The following NDRG3 variants were observed in gnomAD, a reference collection of about 807,000 sequenced individuals.
NDRG3 encodes NDRG family member 3.
Under a neutral mutation model 57.2 loss-of-function variants are expected in NDRG3, and 23 were observed. That is an observed-to-expected ratio of 0.40 (90% CI 0.29 to 0.57). The LOEUF (loss-of-function observed/expected upper bound fraction) is 0.57, where lower values mean the gene tolerates loss of function less well. Ranked by LOEUF, NDRG3 falls within the 20% of genes least tolerant of loss-of-function variation. The pLI is 0.42. For synonymous variants in NDRG3, 132 were observed against 162.6 expected, an observed-to-expected ratio of 0.81 and a Z score of 1.43; for missense variants, 384 against 457.3, an observed-to-expected ratio of 0.84 and a Z score of 1.46.
chr20:36,672,922 G>A (rs1201927243), intron 8 of NDRG3, among the ~76,000 whole-genome samples: 1 of 152,084 alleles, frequency 6.6e-6, no homozygotes, highest in Non-Finnish European at 1.5e-5. Context: ...GGAGTGCAGT[G>A]GCACCATCAT....
chr20:36,681,171 G>T (rs149678123), intron 7 of NDRG3, among the ~76,000 whole-genome samples: 1 of 152,242 alleles, frequency 6.6e-6, no homozygotes, highest in African/African-American at 2.4e-5. Flanking sequence ...TTCAATTCAT[G>T]GTGGATCTTC....
At chr20:36,729,847 T>G (rs1441000053) in intron 1 of NDRG3, among the ~76,000 whole-genome samples, 1 of 151,990 alleles carries the variant, frequency 6.6e-6, no homozygotes, top group Non-Finnish European at 1.5e-5. Context: ...CAATCTTCAA[T>G]AGAGATCAGT....
chr20:36,688,867 C>T, intron 3 of NDRG3, 83 bp from the exon 4 acceptor site: 2 of 942,124 alleles, frequency 2.1e-6, no homozygotes. Flanking sequence ...TGCTTTACCA[C>T]CGTTTCCCAC....
At position 36,677,891 on chromosome 20, in the gene NDRG3, C is replaced by T. The variant is rs144901957; in HGVS notation, c.531+2925G>A. On this transcript the variant is annotated intron_variant, in intron 8 of 15. Coordinates refer to ENST00000349004, the MANE Select transcript of NDRG3 (RefSeq NM_032013.4). ...AGTTTCTGGCTAGACAAATCAACAC[C>T]CCAGAGATCCCATAACACAAGGGAT... Among the ~76,000 whole-genome samples the T allele has an allele frequency of 1.2e-4, 19 of 152,240 alleles. No individual in the cohort carries two copies. The East Asian group carries it at 3.3e-3, about 26-fold the overall frequency.
intron 1 of NDRG3, among the ~76,000 whole-genome samples, chr20:36,727,705 C>G (rs942273655): frequency 6.6e-5 from 10 of 151,938 alleles, no homozygotes; most frequent in African/African-American, 1.9e-4. Flanking sequence ...CCACGCCCGG[C>G]TAATTTTTTG....
intron 15 of NDRG3, 32 bp downstream of exon 15, chr20:36,656,328 C>T (rs776600570): frequency 6.9e-6 from 11 of 1,603,602 alleles, no homozygotes; most frequent in Admixed American, 6.8e-5. Context: ...ATTCCTAAAT[C>T]GTTGCTAGAT....
intron 1 of NDRG3, among the ~76,000 whole-genome samples, chr20:36,734,505 G>C (rs1024447752): frequency 4.6e-5 from 7 of 152,164 alleles, no homozygotes; most frequent in Non-Finnish European, 8.8e-5. Flanking sequence ...TAACAAGAAA[G>C]CACAGATGGG....
intron 8 of NDRG3, among the ~76,000 whole-genome samples, chr20:36,676,165 G>C (rs994716596): frequency 6.6e-6 from 1 of 151,960 alleles, no homozygotes; most frequent in African/African-American, 2.4e-5. Context: ...GCGTGAACCC[G>C]GGAGGCGGAG....
chr20:36,655,580 C>T (rs998623061), intron 15 of NDRG3, among the ~76,000 whole-genome samples: 4 of 152,182 alleles, frequency 2.6e-5, no homozygotes, highest in Non-Finnish European at 5.9e-5. Flanking sequence ...GGATACTGCC[C>T]TTTTCTCCTG....
At chr20:36,663,488 T>C (rs989753041) in intron 12 of NDRG3, among the ~76,000 whole-genome samples, 1 of 152,232 alleles carries the variant, frequency 6.6e-6, no homozygotes, top group Non-Finnish European at 1.5e-5. Context: ...TAATTAGACA[T>C]ATGAAGAACT....
At chr20:36,696,281 A>G (rs2148144633) in intron 3 of NDRG3, among the ~76,000 whole-genome samples, 2 of 151,998 alleles carry the variant, frequency 1.3e-5, no homozygotes, top group Middle Eastern at 6.8e-3. Context: ...TTTTTAATAG[A>G]GATGGGGTTT....
chr20:36,683,441 C>A (rs1401049764), intron 6 of NDRG3, among the ~76,000 whole-genome samples: 1 of 151,598 alleles, frequency 6.6e-6, no homozygotes, highest in Non-Finnish European at 1.5e-5. Flanking sequence ...TCATGAAACC[C>A]CGTCTCTACT....
chr20:36,660,696 G>A (rs1192914712), intron 12 of NDRG3, among the ~76,000 whole-genome samples: 1 of 151,768 alleles, frequency 6.6e-6, no homozygotes, highest in African/African-American at 2.4e-5. Flanking sequence ...GAGTAGCTGG[G>A]ACTACAGGCG....
In NDRG3 at chr20:36,688,704, T is replaced by C. The variant is rs1314979030; in HGVS notation, c.174A>G (p.Leu58=). 2 of 1,613,366 alleles carry C rather than the reference T, an allele frequency of 1.2e-6. No individual in the cohort carries two copies. The highest frequency in any genetic ancestry group is 1.7e-6 in the Non-Finnish European group (2 of 1,179,272). Residue 58 remains leucine, a synonymous_variant, in exon 4 of 16, where the codon CTA becomes CTG. Coordinates refer to ENST00000349004, the MANE Select transcript of NDRG3 (RefSeq NM_032013.4). ...GGTTGAGGCCAATGTCATGATATGT[T>C]AGTATAACTGGTCTGTTTCCTTTGG... The part of the protein sequence containing the change: ...GLPKGNRPVI[L]TYHDIGLNHK...
At chr20:36,693,165 T>C (rs1250888063) in intron 3 of NDRG3, among the ~76,000 whole-genome samples, 3 of 118,766 alleles carry the variant, frequency 2.5e-5, no homozygotes, top group African/African-American at 9.7e-5. Flanking sequence ...TATACACATA[T>C]ATATATACAC....
rs1045213144 is a variant in NDRG3 at position 36,653,349 on chromosome 20, A to G, written c.*171T>C. On this transcript the variant is annotated 3_prime_UTR_variant, in exon 16 of 16. Transcript: ENST00000349004. This position sits in a 1 kb window ranked among gnomAD's most constrained non-coding sequence, Gnocchi z 4.2. ...ATGGAAGTGGTTCTTGGGCTATACA[A>G]AAAAGGGGGTGGGCAGGCAGAGAGA... is the stretch of plus-strand genomic sequence containing the variant. 40 of 599,740 alleles carry G rather than the reference A, an allele frequency of 6.7e-5. No individual in the cohort carries two copies. The highest frequency in any genetic ancestry group is 5.6e-5 in the African/African-American group (3 of 53,988). The allele number at this position is 599,740 out of a possible 1,614,324, so 37.2% of individuals were successfully genotyped here.
chr20:36,742,848 T>A (rs774537538), intron 1 of NDRG3, among the ~76,000 whole-genome samples: 2 of 152,200 alleles, frequency 1.3e-5, no homozygotes, highest in African/African-American at 4.8e-5. Context: ...TCAATATATT[T>A]ACAGAAAATT....
At chr20:36,662,230 C>CTT (rs749800383) in intron 12 of NDRG3, among the ~76,000 whole-genome samples, 6 of 139,226 alleles carry the variant, frequency 4.3e-5, no homozygotes, top group South Asian at 4.5e-4. Context: ...TTTTCTTTTT[C>CTT]TTTTTTTTTT....
At chr20:36,729,227 C>T (rs1250268928) in intron 1 of NDRG3, among the ~76,000 whole-genome samples, 1 of 152,142 alleles carries the variant, frequency 6.6e-6, no homozygotes, top group Non-Finnish European at 1.5e-5. Context: ...GTCATCACAC[C>T]AGGACAAGAG....
Sources: allele counts gnomAD v4.1 joint callset (sites outside exome capture counted in the v4.1 genomes callset), GRCh38; gene constraint gnomAD v4.1.1; non-coding constraint Gnocchi (gnomAD v3.1); transcripts MANE v1.5; gene names NCBI Gene and HGNC (gene_info 2026-07-23, HGNC 2026-07-21).